Variants in MAOB observed in about 807,000 individuals in gnomAD.
MAOB encodes the protein monoamine oxidase B, also known as amine oxidase [flavin-containing] B.
A neutral mutation model predicts 41.9 loss-of-function variants in MAOB; 15 were observed. The ratio of observed to expected loss-of-function variants is 0.36; its 90% CI spans 0.24 to 0.55. The LOEUF (loss-of-function observed/expected upper bound fraction) is 0.55. Among genes scored for constraint, MAOB ranks in the 20% least tolerant of loss-of-function variants. MAOB has a pLI of 0.86. For missense variants in MAOB, 345 were observed against 398.7 expected, an observed-to-expected ratio of 0.87 and a Z score of 1.15; for synonymous variants, 167 against 144.2, an observed-to-expected ratio of 1.16 and a Z score of -1.13.
chrX:43,856,518 A>G (rs918628080), intron 1 of MAOB, among the ~76,000 whole-genome samples: 1 of 112,141 alleles, frequency 8.9e-6, no homozygotes, highest in African/African-American at 3.2e-5. Flanking sequence ...GACACCAACC[A>G]CCTGTACAGT....
chrX:43,780,353 G>A lies in MAOB; in HGVS notation c.1068C>T (p.Thr356=), dbSNP rs765360509. 8.3e-7 allele frequency: 1 copy of A among 1,203,496 alleles called. No individual in the cohort carries two copies. Among genetic ancestry groups the A allele is most frequent in the South Asian group, 1.8e-5 (1 of 55,984 alleles). ...ATTTCTTTTGTTACCTTTCCTCTTT[G>A]GTAAGACGTGCCAGTTTTCTGGCTT... ...AHKARKLARL[T]KEERLKKLCE... The change falls in exon 10 of 15, where the codon ACC becomes ACT. Residue 356 remains threonine (T), a synonymous_variant. Transcript: ENST00000378069.
chrX:43,795,374 T>C (rs903134087), intron 7 of MAOB, among the ~76,000 whole-genome samples: 1 of 111,735 alleles, frequency 8.9e-6, no homozygotes, highest in African/African-American at 3.3e-5. Context: ...GGCATGCCAT[T>C]CTCAAGGAAC....
At chrX:43,767,685 T>C in intron 14 of MAOB, 67 bp from the exon 15 acceptor site, 1 of 1,028,930 alleles carries the variant, frequency 9.7e-7, no homozygotes, top group Non-Finnish European at 1.3e-6. Context: ...GTCTGTACTT[T>C]CTCCAGCTCT....
chrX:43,858,990 T>C (rs2035315442), intron 1 of MAOB, among the ~76,000 whole-genome samples: 1 of 111,747 alleles, frequency 8.9e-6, no homozygotes, highest in Non-Finnish European at 1.9e-5. Flanking sequence ...CCCTTTGAGA[T>C]AATTTACACT....
chrX:43,793,293 A>G (rs1364807981), intron 8 of MAOB, 126 bp downstream of exon 8: 4 of 484,171 alleles, frequency 8.3e-6, no homozygotes, highest in African/African-American at 7.4e-5. Flanking sequence ...CAACATATCC[A>G]TGTAACAAAT....
intron 1 of MAOB, among the ~76,000 whole-genome samples, chrX:43,868,075 T>C (rs1337875396): frequency 8.9e-6 from 1 of 112,459 alleles, no homozygotes; most frequent in East Asian, 2.8e-4. Flanking sequence ...TAATTTTAAA[T>C]GTATTCTGAA....
rs771956465 is a variant in MAOB, at chrX:43,775,215, T to C, written c.1195A>G (p.Thr399Ala). ...CEEQYSGGCYTTYFPPGILTQ... is the reference protein window; with the variant it reads ...CEEQYSGGCYATYFPPGILTQ... ...AGGATCCCAGGGGGGAAATAAGTTG[T>C]GTAGCAGCCCCCAGAGTACTGCTCC... is the stretch of plus-strand genomic sequence containing the variant. Residue 399 changes from threonine (T) to alanine (A), a missense_variant, in exon 12 of 15, where the codon ACA (threonine) becomes GCA (alanine). Transcript: ENST00000378069. 6.6e-6 allele frequency: 8 copies of C among 1,204,425 alleles called. No homozygotes were observed. The highest frequency in any genetic ancestry group is 2.2e-5 in the Admixed American group (1 of 44,974).
At chrX:43,850,070 C>T (rs1046399423) in intron 1 of MAOB, among the ~76,000 whole-genome samples, 6 of 111,646 alleles carry the variant, frequency 5.4e-5, no homozygotes, top group African/African-American at 9.8e-5. Flanking sequence ...AATCTGGCAC[C>T]GTTACTCCTA....
intron 1 of MAOB, among the ~76,000 whole-genome samples, chrX:43,865,595 T>C (rs1285289998): frequency 1.8e-5 from 2 of 111,906 alleles, no homozygotes; most frequent in African/African-American, 3.3e-5. Context: ...TATTTAAAAA[T>C]CTTATGAAGA....
chrX:43,835,758 C>G (rs977569375), intron 3 of MAOB, among the ~76,000 whole-genome samples: 11 of 111,540 alleles, frequency 9.9e-5, no homozygotes, highest in African/African-American at 3.6e-4. Flanking sequence ...GAGTCATCCT[C>G]TCTTGAGGAA....
rs757362390 is a variant in MAOB, at chrX:43,803,276, CA to C, written c.384+23del. On this transcript the variant is annotated intron_variant, in intron 4 of 14. Transcript: ENST00000378069. ...ATGAAACTTATTACAAAAAAGAATA[CA>C]AATATAGTCAAAGAAGCTTTACCTC... is the stretch of plus-strand genomic sequence containing the variant. 12 of 1,103,985 alleles carry C rather than the reference CA, an allele frequency of 1.1e-5. No homozygotes were observed. The East Asian group carries it at 4.0e-4, about 37-fold the overall frequency. 91.0% of individuals were successfully genotyped at this position (1,103,985 alleles called of 1,213,427 possible).
intron 11 of MAOB, among the ~76,000 whole-genome samples, chrX:43,776,747 C>T (rs567017983): frequency 1.1e-5 from 1 of 94,199 alleles, no homozygotes; most frequent in South Asian, 6.6e-4. Flanking sequence ...TCTCCAAATG[C>T]TATCCCTCCC....
intron 7 of MAOB, 71 bp from the exon 8 acceptor site, chrX:43,793,649 C>G: frequency 1.1e-6 from 1 of 880,497 alleles, no homozygotes; most frequent in Non-Finnish European, 1.6e-6. Flanking sequence ...GATTCTCTCT[C>G]ATTCTATCGT....
At chrX:43,836,367 T>G (rs1383603894) in intron 3 of MAOB, among the ~76,000 whole-genome samples, 1 of 112,547 alleles carries the variant, frequency 8.9e-6, no homozygotes, top group Non-Finnish European at 1.9e-5. Context: ...AAGGACTTCT[T>G]AGCTATAAGG....
At chrX:43,826,886 T>C (rs1167643038) in intron 3 of MAOB, among the ~76,000 whole-genome samples, 1 of 112,210 alleles carries the variant, frequency 8.9e-6, no homozygotes, top group East Asian at 2.8e-4. Flanking sequence ...GGGATTAAGT[T>C]GCCAACACAT....
At chrX:43,798,162 GTTAA>G (rs1292444557) in intron 5 of MAOB, among the ~76,000 whole-genome samples, 2 of 111,500 alleles carry the variant, frequency 1.8e-5, no homozygotes, top group Admixed American at 9.5e-5. Flanking sequence ...TTGATTATTG[GTTAA>G]TTCTTTTTAA....
At chrX:43,769,921 AT>A (rs1196917629) in intron 12 of MAOB, among the ~76,000 whole-genome samples, 1 of 111,611 alleles carries the variant, frequency 9.0e-6, no homozygotes, top group Non-Finnish European at 1.9e-5. Context: ...GAGTCTGACT[AT>A]GGCTCCATAA....
chrX:43,802,169 TACTC>T lies in MAOB; in HGVS notation c.475_476+2del. On this transcript the variant is annotated splice_donor_variant and coding_sequence_variant, in exon 5 of 15. Coordinates refer to ENST00000378069, the MANE Select transcript of MAOB (RefSeq NM_000898.5). LOFTEE classifies it high-confidence loss of function. ...AATGCCTGTGCCTAATGGCAAGACT[TACTC>T]AGTCCAGCAGAGCTTGTCCAGTAGC... 1.7e-6 allele frequency: 2 copies of T among 1,200,256 alleles called. No homozygotes were observed. Among genetic ancestry groups the T allele is most frequent in the South Asian group, 1.8e-5 (1 of 55,773 alleles).
intron 2 of MAOB, among the ~76,000 whole-genome samples, chrX:43,842,304 A>G (rs779334931): frequency 8.9e-6 from 1 of 112,443 alleles, no homozygotes; most frequent in South Asian, 3.7e-4. Context: ...AGGTTCATGG[A>G]AAAAGTTCAG....
Sources: allele counts gnomAD v4.1 joint callset (sites outside exome capture counted in the v4.1 genomes callset), GRCh38; gene constraint gnomAD v4.1.1; transcripts MANE v1.5; gene names NCBI Gene and HGNC (gene_info 2026-07-23, HGNC 2026-07-21).